LCP1: variants seen among roughly 807,000 people sequenced by gnomAD.
LCP1 encodes the protein lymphocyte cytosolic protein 1.
A neutral mutation model predicts 72.0 loss-of-function variants in LCP1; 23 were observed. That is an observed-to-expected ratio of 0.32 (90% confidence interval 0.23 to 0.45). LCP1 has a LOEUF of 0.45. LCP1 is among the 20% of genes least tolerant of loss of function. The pLI is 1.00. For missense variants in LCP1, 571 were observed against 748.3 expected (o/e 0.76, Z 2.76); for synonymous variants, 245 against 275.4 (o/e 0.89, Z 1.09).
At chr13:46,137,236 G>T (rs2045670341) in intron 13 of LCP1, among the ~76,000 whole-genome samples, 1 of 151,160 alleles carries the variant, frequency 6.6e-6, no homozygotes, top group Non-Finnish European at 1.5e-5. Context: ...ACAAAGAGAA[G>T]AAAGAATAGA....
chr13:46,161,815 C>T (rs1463363155), intron 1 of LCP1, among the ~76,000 whole-genome samples: 2 of 152,220 alleles, frequency 1.3e-5, no homozygotes, highest in African/African-American at 4.8e-5. Flanking sequence ...GGCTGAAAAT[C>T]TATCTCCAAG....
chr13:46,175,684 C>G (rs989159853), intron 1 of LCP1, among the ~76,000 whole-genome samples: 1 of 152,096 alleles, frequency 6.6e-6, no homozygotes, highest in Non-Finnish European at 1.5e-5. Flanking sequence ...TTTTGAGGAA[C>G]AGTCCCAACA....
At chr13:46,160,816 G>A (rs1338151231) in intron 1 of LCP1, among the ~76,000 whole-genome samples, 2 of 152,118 alleles carry the variant, frequency 1.3e-5, no homozygotes, top group Non-Finnish European at 2.9e-5. Context: ...TGGGAGTGTG[G>A]GGGTTGGGGT....
chr13:46,137,206 C>T (rs202173609), intron 13 of LCP1, among the ~76,000 whole-genome samples: 5 of 116,286 alleles, frequency 4.3e-5, no homozygotes, highest in Non-Finnish European at 6.7e-5. Flanking sequence ...GTAAGTAAAA[C>T]GATAAAAAAA....
chr13:46,157,210 A>G (rs2045808155), intron 4 of LCP1, among the ~76,000 whole-genome samples: 1 of 151,150 alleles, frequency 6.6e-6, no homozygotes. Context: ...TTTTCTATAT[A>G]TAAATACATA....
chr13:46,154,819 G>C lies in LCP1; in HGVS notation c.559C>G (p.Pro187Ala). Residue 187 changes from proline (P) to alanine (A), a missense_variant, in exon 6 of 16, where the codon CCT becomes GCT. Transcript: ENST00000323076. ...ERTINKKKLT[P>A]FTIQENLNLA... ...GGAAGACATACCTGAATGGTGAAAG[G>C]GGTTAGCTTCTTTTTGTTGATTGTT... is the stretch of plus-strand genomic sequence containing the variant. 6.2e-7 allele frequency: 1 copy of C among 1,613,702 alleles called. No individual in the cohort carries two copies. Among genetic ancestry groups the C allele is most frequent in the Non-Finnish European group, 8.5e-7 (1 of 1,179,602 alleles).
At chr13:46,157,882 G>C (rs985321637) in intron 4 of LCP1, among the ~76,000 whole-genome samples, 3 of 151,618 alleles carry the variant, frequency 2.0e-5, no homozygotes, top group African/African-American at 7.3e-5. Flanking sequence ...GAGTCGATGA[G>C]ATTACAGGCA....
chr13:46,152,856 A>G lies in LCP1; in HGVS notation c.663T>C (p.Pro221=), dbSNP rs1237432249. 6.2e-7 allele frequency: 1 copy of G among 1,614,034 alleles called. No individual in the cohort carries two copies. The highest frequency in any genetic ancestry group is 8.5e-7 in the Non-Finnish European group (1 of 1,180,018). Residue 221 remains proline (P), a synonymous_variant, in exon 7 of 16, where the codon CCT becomes CCC. Transcript: ENST00000323076. The part of the protein sequence containing the change: ...IGAEDLKEGK[P]YLVLGLLWQV... ...GCCACAGAAGTCCCAGGACCAGATA[A>G]GGCTTCCCCTCCTTCAGGTCCTCAG...
intron 1 of LCP1, among the ~76,000 whole-genome samples, chr13:46,163,652 A>AC: frequency 6.7e-6 from 1 of 150,010 alleles, no homozygotes; most frequent in South Asian, 2.1e-4. Context: ...AAAAAAAAAA[A>AC]CAATGAGTTA....
In LCP1 at chr13:46,127,531, A is replaced by G; in HGVS notation, c.*60T>C. The G allele has an allele frequency of 6.2e-7, 1 of 1,601,710 alleles. No homozygotes were observed. The highest frequency in any genetic ancestry group is 8.5e-7 in the Non-Finnish European group (1 of 1,172,462). ...TTGGAATGGCTTGAATCATCCCTGG[A>G]GCATCTGTGCCGGGCAGTCAGGAGT... On this transcript the variant is annotated 3_prime_UTR_variant, in exon 16 of 16. Transcript: ENST00000323076.
intron 13 of LCP1, 85 bp downstream of exon 13, chr13:46,142,207 T>C (rs2045702640): frequency 7.3e-7 from 1 of 1,370,342 alleles, no homozygotes. Flanking sequence ...TTTTACTGAA[T>C]TAACTCATAC....
At chr13:46,171,438 T>C (rs2045904089) in intron 1 of LCP1, among the ~76,000 whole-genome samples, 1 of 152,278 alleles carries the variant, frequency 6.6e-6, no homozygotes, top group Admixed American at 6.5e-5. Flanking sequence ...TTTAGGGAAG[T>C]TCTAAATGTG....
chr13:46,162,677 T>G (rs1391508053), intron 1 of LCP1, among the ~76,000 whole-genome samples: 18 of 152,230 alleles, frequency 1.2e-4, no homozygotes, highest in Non-Finnish European at 2.6e-4. Context: ...CCGCCTGCCT[T>G]GGCCTCCCAA....
chr13:46,160,315 G>A (rs1247723224), intron 1 of LCP1, among the ~76,000 whole-genome samples: 1 of 152,134 alleles, frequency 6.6e-6, no homozygotes, highest in African/African-American at 2.4e-5. Context: ...TCAACCAAAA[G>A]AACAGAGAAG....
intron 12 of LCP1, chr13:46,142,757 G>T: frequency 2.1e-6 from 1 of 478,514 alleles, no homozygotes; most frequent in Admixed American, 2.3e-5. Flanking sequence ...TGAATTCATG[G>T]AGATTGACAT....
intron 1 of LCP1, among the ~76,000 whole-genome samples, chr13:46,172,126 A>G (rs190768858): frequency 8.3e-4 from 127 of 152,364 alleles, no homozygotes; most frequent in Non-Finnish European, 1.6e-3. Flanking sequence ...CACTGAGCTA[A>G]GTCTTAGGGA....
At chr13:46,181,252 G>C (rs2045954131) in intron 1 of LCP1, among the ~76,000 whole-genome samples, 1 of 152,126 alleles carries the variant, frequency 6.6e-6, no homozygotes, top group Non-Finnish European at 1.5e-5. Context: ...TTTGTCAATG[G>C]TTCTTAGTGT....
chr13:46,129,720 C>T (rs1317211518), intron 15 of LCP1, among the ~76,000 whole-genome samples: 4 of 152,122 alleles, frequency 2.6e-5, no homozygotes, highest in African/African-American at 9.7e-5. Context: ...GCACTAGATA[C>T]TTGTATCTTC....
chr13:46,151,315 C>T (rs551221057), intron 7 of LCP1, among the ~76,000 whole-genome samples: 90 of 152,292 alleles, frequency 5.9e-4, no homozygotes, highest in Non-Finnish European at 8.8e-4. Context: ...GAAAACAAAG[C>T]ACAGTGAATC....
Sources: allele counts gnomAD v4.1 joint callset (sites outside exome capture counted in the v4.1 genomes callset), GRCh38; gene constraint gnomAD v4.1.1; transcripts MANE v1.5; gene names NCBI Gene and HGNC (gene_info 2026-07-23, HGNC 2026-07-21).